TRAF1: variants seen among roughly 807,000 people sequenced by gnomAD.
The protein encoded by TRAF1 is TNF receptor-associated factor 1.
Under a neutral mutation model 40.9 loss-of-function variants are expected in TRAF1, and 23 were observed. That is an observed-to-expected ratio of 0.56 (90% CI 0.40 to 0.80). The LOEUF is 0.80. TRAF1 is among the 30% of genes least tolerant of loss of function. The probability of loss-of-function intolerance (pLI) is 0.00; values close to 1 mark genes in which losing one functional copy is unlikely to be tolerated. For missense variants in TRAF1, 477 were observed against 528.7 expected, an observed-to-expected ratio of 0.90 and a Z score of 0.96; for synonymous variants, 206 against 218.8, an observed-to-expected ratio of 0.94 and a Z score of 0.52.
At chr9:120,925,103 G>A (rs530668147) in intron 2 of TRAF1, among the ~76,000 whole-genome samples, 2 of 152,212 alleles carry the variant, frequency 1.3e-5, no homozygotes, top group Non-Finnish European at 2.9e-5. Context: ...CGTCATGTTT[G>A]AACTTCTCAC....
chr9:120,922,703 CAG>C (rs1437430116), intron 3 of TRAF1, among the ~76,000 whole-genome samples: 1 of 152,182 alleles, frequency 6.6e-6, no homozygotes, highest in East Asian at 1.9e-4. Flanking sequence ...TAAAGGCAAA[CAG>C]AGGCAGACAG....
chr9:120,909,466 A>G, intron 6 of TRAF1, 88 bp from the exon 7 acceptor site: 2 of 1,507,134 alleles, frequency 1.3e-6, no homozygotes, highest in South Asian at 1.2e-5. Flanking sequence ...GCCCAAGGTC[A>G]GCGGCTCAAA....
At position 120,911,449 on chromosome 9, in the gene TRAF1, A is replaced by C. The variant is rs776457713; in HGVS notation, c.770T>G (p.Leu257Trp). ...GAAGGAGGCCTCCTCCATGAGGCGC[A>C]AGCTCTGCTCCAGCTTGCCCAGGGC... ...DQALGKLEQS[L>W]RLMEEASFDG... Residue 257 changes from leucine (L) to tryptophan (W), a missense_variant, in exon 6 of 8, where the codon TTG becomes TGG. Transcript: ENST00000373887. 6.2e-7 allele frequency: 1 copy of C among 1,613,546 alleles called. No individual in the cohort carries two copies. The highest frequency in any genetic ancestry group is 8.5e-7 in the Non-Finnish European group (1 of 1,180,028).
In TRAF1 at chr9:120,904,767, A is replaced by G. The variant is rs1340694172; in HGVS notation, c.*253T>C. ...GGCCGGAGTGGCTCACTGGCCTCCC[A>G]GTGTCGCATGGTCCGTGCAGAGGGG... On this transcript the variant is annotated 3_prime_UTR_variant, in exon 8 of 8. Transcript: ENST00000373887. The G allele has an allele frequency of 7.8e-6, 4 of 511,290 alleles. No homozygotes were observed. Among genetic ancestry groups the G allele is most frequent in the African/African-American group, 5.8e-5 (3 of 52,118 alleles). The allele number at this position is 511,290 out of a possible 1,614,324, so 31.7% of individuals were successfully genotyped here.
chr9:120,906,173 G>GTTTT (rs35324048), intron 7 of TRAF1, among the ~76,000 whole-genome samples: 65 of 84,820 alleles, frequency 7.7e-4, no homozygotes, highest in Non-Finnish European at 1.0e-3. Flanking sequence ...ATTATGGTGT[G>GTTTT]TTTTTTTTTT....
At chr9:120,911,546 G>T in intron 5 of TRAF1, 33 bp from the exon 6 acceptor site, 1 of 1,593,122 alleles carries the variant, frequency 6.3e-7, no homozygotes, top group South Asian at 1.1e-5. Flanking sequence ...AGGAACACCA[G>T]AACCCGGCTT....
intron 3 of TRAF1, among the ~76,000 whole-genome samples, chr9:120,915,048 C>G (rs117150745): frequency 6.6e-6 from 1 of 152,112 alleles, no homozygotes; most frequent in African/African-American, 2.4e-5. Flanking sequence ...CCAAGGAGGC[C>G]GAGCTGGGAG....
Position 120,903,320 on chromosome 9 carries a change from T to C in TRAF1, c.*1700A>G, listed in dbSNP as rs1418288324. ...TGGGCCTCCTGAAAACCCCTAGAGC[T>C]GGAGAGGGCAAGGGAGAGGCTTCCT... On this transcript the variant is annotated 3_prime_UTR_variant, in exon 8 of 8. Coordinates refer to ENST00000373887, the MANE Select transcript of TRAF1 (RefSeq NM_005658.5). The C allele has an allele frequency of 6.6e-6, 1 of 152,386 alleles. No individual in the cohort carries two copies. Among genetic ancestry groups the C allele is most frequent in the East Asian group, 1.9e-4 (1 of 5,182 alleles). The allele number at this position is 152,386 out of a possible 1,614,324, so 9.4% of individuals were successfully genotyped here. A position where few individuals can be genotyped will look rare whatever the true frequency, so the allele number is the denominator to read the frequency against.
chr9:120,925,981 TC>T lies in TRAF1; in HGVS notation c.94del (p.Glu32SerfsTer34). 1 of 1,613,632 alleles carries T rather than the reference TC, an allele frequency of 6.2e-7. No homozygotes were observed. Among genetic ancestry groups the T allele is most frequent in the East Asian group, 2.2e-5 (1 of 44,806 alleles). ...GCCTGCACAGCAGAGAGCCCTGGGCTCCTTTGGGTCCTGGCAGACGGTGGGA... is the reference window on the plus strand; with the variant it reads ...GCCTGCACAGCAGAGAGCCCTGGGCTCTTTGGGTCCTGGCAGACGGTGGGA... ...CPPTVCQDPK[E>X]PRALCCAGCL... On this transcript the variant is annotated frameshift_variant, in exon 2 of 8. Transcript: ENST00000373887. LOFTEE classifies it high-confidence loss of function.
intron 7 of TRAF1, among the ~76,000 whole-genome samples, chr9:120,906,519 G>A (rs549703385): frequency 6.6e-6 from 1 of 152,214 alleles, no homozygotes; most frequent in South Asian, 2.1e-4. Flanking sequence ...GCAGTTTTAG[G>A]TTCACAGCAA....
intron 6 of TRAF1, 142 bp from the exon 7 acceptor site, chr9:120,909,520 G>C: frequency 2.0e-6 from 2 of 993,258 alleles, no homozygotes; most frequent in Non-Finnish European, 2.9e-6. Context: ...TCTCGAGTAG[G>C]GTGTCAGACA....
chr9:120,909,446 G>A, intron 6 of TRAF1, 68 bp from the exon 7 acceptor site: 1 of 1,575,204 alleles, frequency 6.3e-7, no homozygotes, highest in African/African-American at 1.3e-5. Context: ...GGGATCCAGT[G>A]GTCAGGCATG....
intron 1 of TRAF1, 43 bp downstream of exon 1, chr9:120,926,507 T>A (rs1321363735): frequency 6.5e-6 from 1 of 154,026 alleles, no homozygotes; most frequent in Non-Finnish European, 1.4e-5. Flanking sequence ...CTGTGTTCCC[T>A]GGCACCTCTG....
rs2046465516 is a variant in TRAF1, at chr9:120,904,694, C to T, written c.*326G>A. 1 of 337,128 alleles carries T rather than the reference C, an allele frequency of 3.0e-6. No homozygotes were observed. Among genetic ancestry groups the T allele is most frequent in the East Asian group, 6.7e-5 (1 of 15,002 alleles). 20.9% of individuals were successfully genotyped at this position (337,128 alleles called of 1,614,324 possible). ...CTGCTTGGGTCCTACGGTTCCAAGC[C>T]TGGTTCCATTTTCTTCTCATTTGGT... On this transcript the variant is annotated 3_prime_UTR_variant, in exon 8 of 8. Coordinates refer to ENST00000373887, the MANE Select transcript of TRAF1 (RefSeq NM_005658.5).
At chr9:120,906,047 C>T (rs2046478900) in intron 7 of TRAF1, among the ~76,000 whole-genome samples, 1 of 152,180 alleles carries the variant, frequency 6.6e-6, no homozygotes, top group Non-Finnish European at 1.5e-5. Flanking sequence ...AGCGGCACAC[C>T]TGCCCTGCCC....
In TRAF1 at chr9:120,913,748, G is replaced by C. The variant is rs967214648; in HGVS notation, c.295-10C>G. 22 of 1,550,316 alleles carry C rather than the reference G, an allele frequency of 1.4e-5. 1 individual carries two copies. The Middle Eastern group carries it at 1.7e-3, about 122-fold the overall frequency. ...CAGACTGTGGGCTTCCCTGACAAGA[G>C]AGTGGGGCTGATCAGTGAAAACAGA... On this transcript the variant is annotated splice_polypyrimidine_tract_variant and intron_variant, in intron 4 of 7. Coordinates refer to ENST00000373887, the MANE Select transcript of TRAF1 (RefSeq NM_005658.5).
chr9:120,909,307 T>C lies in TRAF1; in HGVS notation c.955A>G (p.Arg319Gly), dbSNP rs1429770844. 6.2e-6 allele frequency: 10 copies of C among 1,614,222 alleles called. No homozygotes were observed. The highest frequency in any genetic ancestry group is 8.5e-6 in the Non-Finnish European group (10 of 1,180,044). Residue 319 changes from arginine (R) to glycine (G), a missense_variant, in exon 7 of 8, where the codon AGA becomes GGA. Physicochemically the swap from Arg to Gly is moderately radical, Grantham distance 125. Transcript: ENST00000373887. ...LYLNGDGTGKRTHLSLFIVIM... is the reference protein window; with the variant it reads ...LYLNGDGTGKGTHLSLFIVIM... ...ACGATGAAGAGCGACAGATGGGTTC[T>C]CTTTCCAGTGCCATCTCCATTCAGG...
chr9:120,922,502 A>G (rs963075802), intron 3 of TRAF1, among the ~76,000 whole-genome samples: 2 of 152,156 alleles, frequency 1.3e-5, no homozygotes, highest in Admixed American at 6.5e-5. Context: ...TCAGTTCTGG[A>G]TAGCATGTGG....
intron 4 of TRAF1, 92 bp downstream of exon 4, chr9:120,914,143 T>C: frequency 8.8e-7 from 1 of 1,131,372 alleles, no homozygotes; most frequent in East Asian, 2.6e-5. Context: ...TGGACTGATG[T>C]TACGGGAAAA....
Sources: allele counts gnomAD v4.1 joint callset (sites outside exome capture counted in the v4.1 genomes callset), GRCh38; gene constraint gnomAD v4.1.1; transcripts MANE v1.5; gene names NCBI Gene and HGNC (gene_info 2026-07-23, HGNC 2026-07-21).